TTLL11: variants seen among roughly 807,000 people sequenced by gnomAD.
The protein encoded by TTLL11 is tubulin tyrosine ligase like 11.
Under a neutral mutation model 51.7 loss-of-function variants are expected in TTLL11, and 42 were observed. That is an observed-to-expected ratio of 0.81 (90% CI 0.64 to 1.05). The LOEUF (loss-of-function observed/expected upper bound fraction) is 1.05. TTLL11 is among the 50% of genes least tolerant of loss of function. The pLI is 0.00. For missense variants in TTLL11, 799 were observed against 940.4 expected (o/e 0.85, Z 1.97); for synonymous variants, 381 against 383.5 (o/e 0.99, Z 0.08).
At chr9:121,937,479 T>C (rs1588139298) in intron 6 of TTLL11, among the ~76,000 whole-genome samples, 1 of 152,202 alleles carries the variant, frequency 6.6e-6, no homozygotes, top group East Asian at 1.9e-4. Flanking sequence ...ACTCCCCCAA[T>C]TGCTTTGCTG....
intron 5 of TTLL11, 52 bp downstream of exon 5, chr9:121,974,832 G>A: frequency 7.6e-7 from 1 of 1,324,172 alleles, no homozygotes; most frequent in Non-Finnish European, 1.0e-6. Context: ...CATGAGGGTA[G>A]GAATATTCAG....
chr9:122,041,325 T>C (rs1471280595), intron 1 of TTLL11, among the ~76,000 whole-genome samples: 2 of 152,194 alleles, frequency 1.3e-5, no homozygotes, highest in African/African-American at 2.4e-5. Context: ...TCATACTCAA[T>C]GGTAAAATAC....
chr9:121,960,130 C>T (rs531643334), intron 6 of TTLL11, among the ~76,000 whole-genome samples: 19 of 152,138 alleles, frequency 1.2e-4, no homozygotes, highest in African/African-American at 4.6e-4. Context: ...CACTTTTCTT[C>T]ATATTTGACT....
chr9:121,906,115 G>A (rs1484829276), intron 6 of TTLL11, among the ~76,000 whole-genome samples: 1 of 152,080 alleles, frequency 6.6e-6, no homozygotes. Context: ...AATGAGATTA[G>A]GCAATATTTT....
Position 121,886,638 on chromosome 9 carries a change from G to A in TTLL11, c.1482-15890C>T, listed in dbSNP as rs1042359911. Among the ~76,000 whole-genome samples, 7 of 152,284 alleles carry A rather than the reference G, an allele frequency of 4.6e-5. No homozygotes were observed. The South Asian group carries it at 8.3e-4, about 18-fold the overall frequency. ...AGACATTTCTGTTGTTCTAAGTCAC[G>A]CAGTTTGAGGTAACTTTTTAGGCAG... On this transcript the variant is annotated intron_variant, in intron 6 of 8. Coordinates refer to ENST00000321582, the MANE Select transcript of TTLL11 (RefSeq NM_001139442.2).
intron 7 of TTLL11, among the ~76,000 whole-genome samples, chr9:121,862,550 C>G (rs567682107): frequency 5.3e-5 from 8 of 152,146 alleles, no homozygotes; most frequent in African/African-American, 1.9e-4. Context: ...TGACCCTGCC[C>G]GTTCTGGAGA....
In TTLL11 at chr9:121,934,818, T is replaced by C. The variant is rs549572047; in HGVS notation, c.1481+39191A>G. On this transcript the variant is annotated intron_variant, in intron 6 of 8. Coordinates refer to ENST00000321582, the MANE Select transcript of TTLL11 (RefSeq NM_001139442.2). ...AGCGTGTTCAAGGGCTGAGATTTAA[T>C]TTAAAAAAAGGTTTTTTACTGTTTC... 9.2e-5 allele frequency among the ~76,000 whole-genome samples: 14 copies of C among 152,278 alleles called. No homozygotes were observed. In the East Asian group the frequency reaches 2.7e-3, roughly 29 times the overall value.
intron 6 of TTLL11, among the ~76,000 whole-genome samples, chr9:121,889,558 C>T (rs1390158456): frequency 2.0e-5 from 3 of 152,132 alleles, no homozygotes; most frequent in Non-Finnish European, 4.4e-5. Flanking sequence ...CCAGCAACCA[C>T]CACTCTACTT....
intron 6 of TTLL11, among the ~76,000 whole-genome samples, chr9:121,916,945 C>T (rs117223676): frequency 3.6e-4 from 55 of 152,220 alleles, no homozygotes; most frequent in East Asian, 2.5e-3. Flanking sequence ...TCCAAGACCC[C>T]GTCCCATTTC....
At chr9:121,957,262 C>T (rs1005482908) in intron 6 of TTLL11, among the ~76,000 whole-genome samples, 8 of 152,274 alleles carry the variant, frequency 5.3e-5, no homozygotes, top group African/African-American at 1.9e-4. Context: ...ACAGCCTGCC[C>T]ATAAAGGCCC....
chr9:121,988,171 C>G (rs1291859355), intron 4 of TTLL11, among the ~76,000 whole-genome samples: 1 of 151,192 alleles, frequency 6.6e-6, no homozygotes, highest in East Asian at 1.9e-4. Context: ...GTCTATCCCC[C>G]CTACCTTCAC....
chr9:121,918,023 C>T (rs1840402415), intron 6 of TTLL11, among the ~76,000 whole-genome samples: 1 of 152,044 alleles, frequency 6.6e-6, no homozygotes. Context: ...GCAGTGCAGC[C>T]CTGTGAGCCT....
intron 2 of TTLL11, among the ~76,000 whole-genome samples, chr9:122,037,056 T>C (rs1264567018): frequency 1.3e-5 from 2 of 152,228 alleles, no homozygotes; most frequent in East Asian, 1.9e-4. Flanking sequence ...GGGTACTTCA[T>C]TCTATATTTC....
intron 6 of TTLL11, among the ~76,000 whole-genome samples, chr9:121,883,173 A>G (rs1838864031): frequency 6.6e-6 from 1 of 152,180 alleles, no homozygotes; most frequent in Non-Finnish European, 1.5e-5. Flanking sequence ...TATGGTGATG[A>G]GAATAACGGT....
rs1836397729 is a variant in TTLL11 at position 121,816,063 on chromosome 9, G to A, written c.*6524C>T. 6.6e-6 allele frequency: 1 copy of A among 152,178 alleles called. No homozygotes were observed. The highest frequency in any genetic ancestry group is 2.1e-4 in the South Asian group (1 of 4,832). The allele number at this position is 152,178 out of a possible 1,614,324, so 9.4% of individuals were successfully genotyped here. A position where few individuals can be genotyped will look rare whatever the true frequency, so the allele number is the denominator to read the frequency against. On this transcript the variant is annotated 3_prime_UTR_variant, in exon 9 of 9. Transcript: ENST00000321582. Reference sequence around the variant, plus strand: ...GCACCCGGTTCTTTACATACATTACGACGTGATCCCCACTATCTAGGCAAG... The same window carrying A: ...GCACCCGGTTCTTTACATACATTACAACGTGATCCCCACTATCTAGGCAAG...
Position 121,926,301 on chromosome 9 carries a change from G to A in TTLL11, c.1481+47708C>T, listed in dbSNP as rs148451994. On this transcript the variant is annotated intron_variant, in intron 6 of 8. Coordinates refer to ENST00000321582, the MANE Select transcript of TTLL11 (RefSeq NM_001139442.2). ...GGGTCAGGGCAAAGGATTGCCACGC[G>A]CTCTAAAACTCTTGCTGTTATCCAC... 7.6e-3 allele frequency among the ~76,000 whole-genome samples: 1,157 copies of A among 152,282 alleles called. 11 individuals are homozygous for A. Among genetic ancestry groups the A allele is most frequent in the African/African-American group, 0.026 (1,088 of 41,534 alleles).
intron 2 of TTLL11, among the ~76,000 whole-genome samples, chr9:122,035,998 C>G (rs1844689652): frequency 6.6e-6 from 1 of 152,164 alleles, no homozygotes; most frequent in Non-Finnish European, 1.5e-5. Context: ...CCTTGTTTGG[C>G]ATGGGGATCA....
rs895152598 is a variant in TTLL11 at position 122,002,964 on chromosome 9, AG to A, written c.694-13195del. ...TGTCTCAAAAAAAAAAAAAAAAAAA[AG>A]AGATCCCCAGCGTGTCGAGCCTCCC... On this transcript the variant is annotated intron_variant, in intron 3 of 8. Transcript: ENST00000321582. Among the ~76,000 whole-genome samples, 61 of 149,466 alleles carry A rather than the reference AG, an allele frequency of 4.1e-4. 1 individual carries two copies. The East Asian group carries it at 0.011, about 26-fold the overall frequency.
At chr9:122,065,713 C>A (rs1845565651) in intron 1 of TTLL11, among the ~76,000 whole-genome samples, 1 of 152,168 alleles carries the variant, frequency 6.6e-6, no homozygotes, top group South Asian at 2.1e-4. Context: ...CCAAACTGCA[C>A]ATGGGGCTAA....
Sources: allele counts gnomAD v4.1 joint callset (sites outside exome capture counted in the v4.1 genomes callset), GRCh38; gene constraint gnomAD v4.1.1; transcripts MANE v1.5; gene names NCBI Gene and HGNC (gene_info 2026-07-23, HGNC 2026-07-21).